DAB1: variants seen among roughly 807,000 people sequenced by gnomAD.
DAB1 encodes the protein DAB adaptor protein 1, also known as disabled homolog 1.
DAB1 carries 15 observed loss-of-function variants against 64.6 expected under a neutral mutation model. The observed-to-expected ratio is 0.23, with a 90% CI of 0.16 to 0.36. DAB1 has a LOEUF of 0.36. DAB1 is among the 10% of genes least tolerant of loss of function. The probability of loss-of-function intolerance (pLI) is 1.00; values close to 1 mark genes in which losing one functional copy is unlikely to be tolerated. For synonymous variants in DAB1, 235 were observed against 251.9 expected (o/e 0.93, Z 0.64); for missense variants, 596 against 706.7 (o/e 0.84, Z 1.78).
chr1:57,457,295 C>T (rs929878457), intron 7 of DAB1, among the ~76,000 whole-genome samples: 9 of 152,100 alleles, frequency 5.9e-5, no homozygotes, highest in Non-Finnish European at 1.5e-5. Flanking sequence ...AGATACAGAT[C>T]TGTTAGAGAA....
intron 7 of DAB1, among the ~76,000 whole-genome samples, chr1:57,544,030 G>A (rs543808119): frequency 1.3e-5 from 2 of 152,050 alleles, no homozygotes; most frequent in Admixed American, 6.6e-5. Flanking sequence ...ATCATCTGAG[G>A]TAGAAGCCAG....
At chr1:58,026,806 T>C (rs927475817) in intron 5 of DAB1, among the ~76,000 whole-genome samples, 1 of 152,202 alleles carries the variant, frequency 6.6e-6, no homozygotes, top group African/African-American at 2.4e-5. Flanking sequence ...TGTTTCCCAA[T>C]AGTTAAAGCA....
chr1:58,209,419 C>T (rs918869116), intron 4 of DAB1, among the ~76,000 whole-genome samples: 1 of 152,122 alleles, frequency 6.6e-6, no homozygotes, highest in Non-Finnish European at 1.5e-5. Flanking sequence ...ATGCTCAGAA[C>T]TGGAGGCTAA....
At chr1:57,485,131 T>C (rs985029594) in intron 7 of DAB1, among the ~76,000 whole-genome samples, 16 of 152,206 alleles carry the variant, frequency 1.1e-4, no homozygotes, top group African/African-American at 3.6e-4. Flanking sequence ...TGTGCTACTG[T>C]ATGCCCTGTG....
At chr1:57,157,178 GATTATAATAAGCACA>G (rs1660304633) in intron 2 of DAB1, among the ~76,000 whole-genome samples, 1 of 152,060 alleles carries the variant, frequency 6.6e-6, no homozygotes, top group Non-Finnish European at 1.5e-5. Context: ...ACTCATCATA[GATTATAATAAGCACA>G]GCCAAGATAA....
At chr1:58,168,460 TTC>T (rs931245137) in intron 4 of DAB1, among the ~76,000 whole-genome samples, 6 of 152,246 alleles carry the variant, frequency 3.9e-5, no homozygotes, top group African/African-American at 1.4e-4. Flanking sequence ...CTCGTCTCTC[TTC>T]TCTGAGGCTA....
At chr1:58,294,633 AAT>A (rs1661926185) in intron 4 of DAB1, among the ~76,000 whole-genome samples, 1 of 152,118 alleles carries the variant, frequency 6.6e-6, no homozygotes, top group Non-Finnish European at 1.5e-5. Context: ...TTTCATGGTA[AAT>A]ATATCATAAT....
chr1:58,138,047 A>G (rs1227779420), intron 5 of DAB1, among the ~76,000 whole-genome samples: 6 of 152,224 alleles, frequency 3.9e-5, no homozygotes, highest in African/African-American at 1.4e-4. Context: ...TTATGATATT[A>G]TTTAAAAATA....
chr1:57,624,701 C>T (rs1266456475), intron 7 of DAB1, among the ~76,000 whole-genome samples: 6 of 152,178 alleles, frequency 3.9e-5, no homozygotes, highest in African/African-American at 1.4e-4. Flanking sequence ...TAATAAGCCA[C>T]ATTAACAAAG....
At chr1:58,226,180 C>G (rs1022072686) in intron 4 of DAB1, among the ~76,000 whole-genome samples, 26 of 152,132 alleles carry the variant, frequency 1.7e-4, no homozygotes, top group Non-Finnish European at 2.8e-4. Context: ...TATTTTGTTT[C>G]ATAATATGTT....
intron 5 of DAB1, among the ~76,000 whole-genome samples, chr1:57,993,026 G>A (rs1377994159): frequency 6.6e-6 from 1 of 152,126 alleles, no homozygotes; most frequent in Non-Finnish European, 1.5e-5. Context: ...AAAAAACTGA[G>A]GTTGACAGAA....
intron 7 of DAB1, among the ~76,000 whole-genome samples, chr1:57,602,344 G>C (rs1373226088): frequency 6.6e-6 from 1 of 152,200 alleles, no homozygotes; most frequent in Non-Finnish European, 1.5e-5. Flanking sequence ...AGAGAGTTCA[G>C]TTTCCTTGAT....
At chr1:57,397,888 A>T (rs1483345216) in intron 1 of DAB1, among the ~76,000 whole-genome samples, 1 of 152,212 alleles carries the variant, frequency 6.6e-6, no homozygotes, top group East Asian at 1.9e-4. Flanking sequence ...AAGGCTTTGC[A>T]TTTAGCCCTT....
chr1:58,003,037 A>G (rs982639250), intron 5 of DAB1, among the ~76,000 whole-genome samples: 2 of 152,192 alleles, frequency 1.3e-5, no homozygotes, highest in African/African-American at 2.4e-5. Context: ...TCATTAATAA[A>G]GACTATCATA....
At chr1:58,004,090 G>A (rs1426409820) in intron 5 of DAB1, among the ~76,000 whole-genome samples, 1 of 152,144 alleles carries the variant, frequency 6.6e-6, no homozygotes, top group Non-Finnish European at 1.5e-5. Flanking sequence ...CAGAACCAAG[G>A]AGCTCAGAGA....
intron 5 of DAB1, among the ~76,000 whole-genome samples, chr1:58,007,752 G>C (rs1048488780): frequency 2.0e-5 from 3 of 152,146 alleles, no homozygotes; most frequent in Non-Finnish European, 4.4e-5. Flanking sequence ...TAAGGGTCTG[G>C]ACGCTGTTCA....
At chr1:57,565,562 T>C (rs1404015980) in intron 7 of DAB1, among the ~76,000 whole-genome samples, 1 of 151,798 alleles carries the variant, frequency 6.6e-6, no homozygotes, top group Non-Finnish European at 1.5e-5. Flanking sequence ...AGGCTCAAAA[T>C]AAAGGGATGG....
At chr1:57,863,632 C>T (rs969564171) in intron 1 of DAB1, among the ~76,000 whole-genome samples, 1 of 151,894 alleles carries the variant, frequency 6.6e-6, no homozygotes, top group Non-Finnish European at 1.5e-5. Flanking sequence ...CCAGGGCCCA[C>T]CACCCAATCT....
At chr1:57,758,630 G>A (rs1180212133) in intron 6 of DAB1, among the ~76,000 whole-genome samples, 1 of 152,146 alleles carries the variant, frequency 6.6e-6, no homozygotes, top group Non-Finnish European at 1.5e-5. Context: ...ATGTTCACCG[G>A]CTTCTATCAT....
Sources: allele counts gnomAD v4.1 joint callset (sites outside exome capture counted in the v4.1 genomes callset), GRCh38; gene constraint gnomAD v4.1.1; transcripts MANE v1.5; gene names NCBI Gene and HGNC (gene_info 2026-07-23, HGNC 2026-07-21).